CFAP299: variants seen among roughly 807,000 people sequenced by gnomAD.
The protein encoded by CFAP299 is cilia and flagella associated protein 299, also known as cilia- and flagella-associated protein 299.
A neutral mutation model predicts 27.0 loss-of-function variants in CFAP299; 21 were observed. That is an observed-to-expected ratio of 0.78 (90% CI 0.55 to 1.12). CFAP299 has a LOEUF of 1.12. CFAP299 is among the 50% of genes most tolerant of loss of function. The probability of loss-of-function intolerance (pLI) is 0.00; values close to 1 mark genes in which losing one functional copy is unlikely to be tolerated. For synonymous variants in CFAP299, 104 were observed against 98.1 expected, an observed-to-expected ratio of 1.06 and a Z score of -0.36; for missense variants, 310 against 276.6, an observed-to-expected ratio of 1.12 and a Z score of -0.86.
intron 3 of CFAP299, among the ~76,000 whole-genome samples, chr4:80,729,793 C>T (rs965303486): frequency 2.0e-5 from 3 of 151,612 alleles, no homozygotes; most frequent in African/African-American, 7.3e-5. Flanking sequence ...TCAGTAGAGA[C>T]GGCATTTCAT....
intron 1 of CFAP299, among the ~76,000 whole-genome samples, chr4:80,356,899 T>A (rs1723305617): frequency 6.6e-6 from 1 of 152,150 alleles, no homozygotes; most frequent in African/African-American, 2.4e-5. Flanking sequence ...AGAGAGGACA[T>A]CCTTGTCTTG....
At position 80,720,032 on chromosome 4, in the gene CFAP299, A is replaced by T. The variant is rs148223711; in HGVS notation, c.333+136849A>T. Among the ~76,000 whole-genome samples the T allele has an allele frequency of 2.4e-3, 363 of 152,338 alleles. 3 individuals are homozygous for T. The highest frequency in any genetic ancestry group is 8.1e-3 in the African/African-American group (337 of 41,572). ...AGATTATTGCCTGGACTATGTCTCC[A>T]GGATGCAGTGAGGATGGAGGAAACC... is the stretch of plus-strand genomic sequence containing the variant. On this transcript the variant is annotated intron_variant, in intron 3 of 5. Coordinates refer to ENST00000358105, the MANE Select transcript of CFAP299 (RefSeq NM_152770.3).
At chr4:80,884,424 A>T (rs936544205) in intron 4 of CFAP299, among the ~76,000 whole-genome samples, 15 of 152,178 alleles carry the variant, frequency 9.9e-5, no homozygotes, top group African/African-American at 3.6e-4. Flanking sequence ...CAGGTAAAAG[A>T]ATAAACCAAA....
At chr4:80,954,534 A>G (rs534301771) in intron 5 of CFAP299, among the ~76,000 whole-genome samples, 1 of 152,306 alleles carries the variant, frequency 6.6e-6, no homozygotes, top group Admixed American at 6.5e-5. Context: ...GGCCCTGAAC[A>G]TATATACATT....
intron 3 of CFAP299, among the ~76,000 whole-genome samples, chr4:80,732,952 C>T (rs1445141990): frequency 3.3e-5 from 5 of 152,038 alleles, no homozygotes; most frequent in African/African-American, 1.2e-4. Context: ...AGATTATCAT[C>T]ACAACTATCA....
At position 80,516,042 on chromosome 4, in the gene CFAP299, C is replaced by T. The variant is rs1340464223; in HGVS notation, c.243-67051C>T. Among the ~76,000 whole-genome samples the T allele has an allele frequency of 1.9e-4, 23 of 122,068 alleles. No homozygotes were observed. In the South Asian group the frequency reaches 3.6e-3, roughly 19 times the overall value. The allele number at this position is 122,068 out of a possible 152,430, so 80.1% of individuals were successfully genotyped here. ...CTTTTTTTTTTTTTTTTTTTTGAGA[C>T]GGAGTCTTACTCTTGTCGCCCAGGA... On this transcript the variant is annotated intron_variant, in intron 2 of 5. Coordinates refer to ENST00000358105, the MANE Select transcript of CFAP299 (RefSeq NM_152770.3).
chr4:80,687,584 T>G (rs977814104), intron 3 of CFAP299, among the ~76,000 whole-genome samples: 6 of 152,314 alleles, frequency 3.9e-5, no homozygotes, highest in Admixed American at 2.6e-4. Context: ...AATAATTTGT[T>G]GATTACATCC....
At chr4:80,783,035 G>A (rs1384410509) in intron 3 of CFAP299, among the ~76,000 whole-genome samples, 1 of 151,938 alleles carries the variant, frequency 6.6e-6, no homozygotes, top group East Asian at 1.9e-4. Flanking sequence ...ACCAAAACTT[G>A]TATTTATTAT....
At chr4:80,782,754 A>G (rs1305570575) in intron 3 of CFAP299, among the ~76,000 whole-genome samples, 3 of 146,180 alleles carry the variant, frequency 2.1e-5, no homozygotes, top group African/African-American at 7.5e-5. Context: ...GCATACATAT[A>G]TGAATATATA....
At chr4:80,955,859 G>A (rs1174947664) in intron 5 of CFAP299, among the ~76,000 whole-genome samples, 1 of 152,104 alleles carries the variant, frequency 6.6e-6, no homozygotes, top group Non-Finnish European at 1.5e-5. Context: ...AATTAGCTGG[G>A]CATGGTGGCA....
chr4:80,505,358 T>C (rs1171527861), intron 2 of CFAP299, among the ~76,000 whole-genome samples: 1 of 152,168 alleles, frequency 6.6e-6, no homozygotes, highest in Non-Finnish European at 1.5e-5. Flanking sequence ...GTTCTTTTTT[T>C]CCATTAATTT....
intron 3 of CFAP299, among the ~76,000 whole-genome samples, chr4:80,693,611 G>T (rs1444654538): frequency 1.3e-5 from 2 of 151,106 alleles, no homozygotes; most frequent in Admixed American, 1.3e-4. Context: ...ACGAATTAGT[G>T]GGTGCACCAG....
chr4:80,473,294 G>C (rs1160342907), intron 2 of CFAP299, among the ~76,000 whole-genome samples: 6 of 152,060 alleles, frequency 3.9e-5, no homozygotes, highest in African/African-American at 1.4e-4. Context: ...AGGCACAAGA[G>C]TATGTGTGAA....
intron 2 of CFAP299, among the ~76,000 whole-genome samples, chr4:80,573,595 G>C (rs972746993): frequency 2.6e-5 from 4 of 152,068 alleles, no homozygotes; most frequent in African/African-American, 9.7e-5. Flanking sequence ...CACAGTTTGA[G>C]GTCTTAGATT....
chr4:80,387,659 G>A (rs1346529458), intron 2 of CFAP299: 1 of 1,552,770 alleles, frequency 6.4e-7, no homozygotes, highest in Non-Finnish European at 8.9e-7. Flanking sequence ...GTCTGCATGT[G>A]TTTCTTAACA....
intron 3 of CFAP299, among the ~76,000 whole-genome samples, chr4:80,755,679 G>T (rs1364692422): frequency 6.6e-6 from 1 of 152,086 alleles, no homozygotes; most frequent in Admixed American, 6.6e-5. Context: ...CCTTTTCTAA[G>T]TTGTAATTCC....
At chr4:80,376,854 C>T (rs933168751) in intron 2 of CFAP299, among the ~76,000 whole-genome samples, 1 of 152,132 alleles carries the variant, frequency 6.6e-6, no homozygotes, top group Admixed American at 6.6e-5. Flanking sequence ...AGCGTTTAAC[C>T]ACATTGGCTA....
Position 80,782,605 on chromosome 4 carries a change from CATATATTAATATATA to C in CFAP299, c.334-87380_334-87366del, listed in dbSNP as rs1238328981. ...ATATAATATATTCATATATAATATA[CATATATTAATATATA>C]ATATATTCATATATAATATACATAT... On this transcript the variant is annotated intron_variant, in intron 3 of 5. Transcript: ENST00000358105. Among the ~76,000 whole-genome samples, 4 of 120,594 alleles carry C rather than the reference CATATATTAATATATA, an allele frequency of 3.3e-5. No homozygotes were observed. In the East Asian group the frequency reaches 8.8e-4, roughly 27 times the overall value. 79.1% of individuals were successfully genotyped at this position (120,594 alleles called of 152,430 possible).
chr4:80,832,925 A>T (rs1026417651), intron 3 of CFAP299, among the ~76,000 whole-genome samples: 1 of 152,118 alleles, frequency 6.6e-6, no homozygotes, highest in Non-Finnish European at 1.5e-5. Context: ...TAAAATTCCT[A>T]GTTATTTTTT....
Sources: gnomAD v4.1 joint callset for allele counts (sites outside exome capture counted in the v4.1 genomes callset) on GRCh38, gnomAD v4.1.1 for gene constraint, MANE v1.5 for transcripts, NCBI Gene and HGNC (gene_info 2026-07-23, HGNC 2026-07-21) for gene names.